The following WWC2 variants were observed in gnomAD, a reference collection of about 807,000 sequenced individuals.
WWC2 encodes WW and C2 domain containing 2, also known as protein WWC2.
In WWC2, 101 loss-of-function variants were observed where a neutral mutation model predicts 138.5. The observed-to-expected ratio is 0.73, with a 90% CI of 0.62 to 0.86. The LOEUF (loss-of-function observed/expected upper bound fraction) is 0.86. Among genes scored for constraint, WWC2 ranks in the 40% least tolerant of loss-of-function variants. The probability of loss-of-function intolerance (pLI) is 0.00; values close to 1 mark genes in which losing one functional copy is unlikely to be tolerated. For missense variants in WWC2, 1,420 were observed against 1,419.4 expected (o/e 1.00, Z -0.01); for synonymous variants, 558 against 538.4 (o/e 1.04, Z -0.50).
rs146453133 is a variant in WWC2, at chr4:183,223,984, G to A, written c.522+14959G>A. Among the ~76,000 whole-genome samples, 1,290 of 152,204 alleles carry A rather than the reference G, an allele frequency of 8.5e-3. 31 individuals are homozygous for A. Among genetic ancestry groups the A allele is most frequent in the African/African-American group, 0.029 (1,207 of 41,544 alleles). ...GACCTCAGGCTATCCCCCCCACCTCGGCCTCCCAAAGTGCTGGGATTACAG... is the reference window on the plus strand; with the variant it reads ...GACCTCAGGCTATCCCCCCCACCTCAGCCTCCCAAAGTGCTGGGATTACAG... On this transcript the variant is annotated intron_variant, in intron 4 of 22. Transcript: ENST00000403733.
intron 15 of WWC2, 99 bp downstream of exon 15, chr4:183,269,262 A>G: frequency 1.0e-5 from 12 of 1,191,158 alleles, no homozygotes; most frequent in African/African-American, 1.5e-5. Context: ...AGAAATCACT[A>G]CAGACCTGCC....
chr4:183,170,112 G>A (rs528329927), intron 1 of WWC2, among the ~76,000 whole-genome samples: 3 of 152,258 alleles, frequency 2.0e-5, no homozygotes, highest in Non-Finnish European at 4.4e-5. Flanking sequence ...AATGCTGAGA[G>A]GATTAGTATT....
At chr4:183,102,876 T>C (rs2152885674) in intron 1 of WWC2, among the ~76,000 whole-genome samples, 1 of 152,082 alleles carries the variant, frequency 6.6e-6, no homozygotes. Flanking sequence ...TGCTTTTTTT[T>C]TTTTTTTTTT....
chr4:183,161,184 A>G (rs778157750), intron 1 of WWC2, among the ~76,000 whole-genome samples: 1 of 152,232 alleles, frequency 6.6e-6, no homozygotes, highest in Non-Finnish European at 1.5e-5. Flanking sequence ...TTTAGAGCAC[A>G]ACTACTACTG....
chr4:183,132,794 C>T (rs1732969210), intron 1 of WWC2, among the ~76,000 whole-genome samples: 1 of 151,470 alleles, frequency 6.6e-6, no homozygotes, highest in Admixed American at 6.6e-5. Flanking sequence ...ATTTTTTTTT[C>T]TGTGAATAGT....
At chr4:183,175,336 A>T (rs1199745873) in intron 1 of WWC2, among the ~76,000 whole-genome samples, 2 of 152,036 alleles carry the variant, frequency 1.3e-5, no homozygotes, top group Admixed American at 6.6e-5. Context: ...ATCTTGGCTC[A>T]CTGTAGCCTT....
chr4:183,319,596 T>C lies in WWC2; in HGVS notation c.*3867T>C. ...GGTGTTTCTCGTCTCCAGTTCTTGA[T>C]GATGATCTTGTGTTTGTGCCACTGC... On this transcript the variant is annotated 3_prime_UTR_variant, in exon 23 of 23. Coordinates refer to ENST00000403733, the MANE Select transcript of WWC2 (RefSeq NM_024949.6). The C allele has an allele frequency of 6.2e-7, 1 of 1,613,654 alleles. No individual in the cohort carries two copies.
In WWC2 at chr4:183,249,968, C is replaced by T; in HGVS notation, c.928C>T (p.Leu310=). ...TTTAGCTGAAAAGGTCAGGCTAAGC[C>T]TACAGTATGAAGAAGCCAAAAGAAG... The part of the protein sequence containing the change: ...SNLAEKVRLS[L]QYEEAKRSMA... The change falls in exon 8 of 23, where the codon CTA becomes TTA. Residue 310 remains leucine (L), a synonymous_variant. Transcript: ENST00000403733. The T allele has an allele frequency of 2.5e-6, 4 of 1,613,734 alleles. No individual in the cohort carries two copies. Among genetic ancestry groups the T allele is most frequent in the Non-Finnish European group, 3.4e-6 (4 of 1,179,790 alleles).
intron 1 of WWC2, among the ~76,000 whole-genome samples, chr4:183,145,624 G>A (rs1308856935): frequency 6.6e-6 from 1 of 152,108 alleles, no homozygotes; most frequent in East Asian, 1.9e-4. Context: ...AACTTCTTCA[G>A]GAAGTTAAAT....
At chr4:183,138,591 A>G (rs1733194299) in intron 1 of WWC2, among the ~76,000 whole-genome samples, 2 of 152,138 alleles carry the variant, frequency 1.3e-5, no homozygotes, top group African/African-American at 4.8e-5. Context: ...AAAGCTGAAC[A>G]TATTTATCGT....
chr4:183,220,447 A>G (rs1193663446), intron 4 of WWC2, among the ~76,000 whole-genome samples: 1 of 151,660 alleles, frequency 6.6e-6, no homozygotes, highest in Non-Finnish European at 1.5e-5. Context: ...ACAAACCTTT[A>G]TTAACTTGTG....
At position 183,099,338 on chromosome 4, in the gene WWC2, C is replaced by A; in HGVS notation, c.-154C>A. 1.4e-6 allele frequency: 1 copy of A among 699,972 alleles called. No individual in the cohort carries two copies. The highest frequency in any genetic ancestry group is 1.9e-6 in the Non-Finnish European group (1 of 533,176). The allele number at this position is 699,972 out of a possible 1,614,324, so 43.4% of individuals were successfully genotyped here. ...GAACAGCGTTTCCTGAGGCACCTCC[C>A]GCGCGTGGTTCCGCCGCGCCCCGCG... On this transcript the variant is annotated 5_prime_UTR_variant, in exon 1 of 23. Transcript: ENST00000403733.
Position 183,248,758 on chromosome 4 carries a change from T to A in WWC2, c.777T>A (p.Ile259=). 13 of 1,604,204 alleles carry A rather than the reference T, an allele frequency of 8.1e-6. No homozygotes were observed. Among genetic ancestry groups the A allele is most frequent in the Non-Finnish European group, 1.1e-5 (13 of 1,174,988 alleles). Residue 259 remains isoleucine, a synonymous_variant, in exon 7 of 23, where the codon ATT becomes ATA. Transcript: ENST00000403733. The part of the protein sequence containing the change: ...LQERFHLDQN[I]GRSEPDLRCS... Reference sequence around the variant, plus strand: ...AGCGGTTTCATTTGGATCAGAACATTGGCAGATCTGAGCCAGATTTGAGAT... The same window carrying A: ...AGCGGTTTCATTTGGATCAGAACATAGGCAGATCTGAGCCAGATTTGAGAT...
chr4:183,208,976 A>C lies in WWC2; in HGVS notation c.473A>C (p.Lys158Thr), dbSNP rs1248295601. 1.3e-6 allele frequency: 2 copies of C among 1,569,584 alleles called. No individual in the cohort carries two copies. The highest frequency in any genetic ancestry group is 2.3e-5 in the South Asian group (2 of 85,406). Residue 158 changes from lysine (K) to threonine (T), a missense_variant, in exon 4 of 23, where the codon AAA becomes ACA. Lys to Thr is a moderately conservative substitution (Grantham distance 78, BLOSUM62 -1). Transcript: ENST00000403733. ...TTCTCAGGATCTTCATCCAGTACTAAATATGATCCCGATATTTTAAAAGCT... is the reference window on the plus strand; with the variant it reads ...TTCTCAGGATCTTCATCCAGTACTACATATGATCCCGATATTTTAAAAGCT... ...SLFSGSSSST[K>T]YDPDILKAEI...
chr4:183,140,131 C>T (rs1446631000), intron 1 of WWC2, among the ~76,000 whole-genome samples: 1 of 152,180 alleles, frequency 6.6e-6, no homozygotes, highest in Non-Finnish European at 1.5e-5. Context: ...GTTTTGTTTA[C>T]TGCTGCATCG....
At chr4:183,208,242 AT>A in intron 3 of WWC2, 86 bp downstream of exon 3, 1 of 1,395,078 alleles carries the variant, frequency 7.2e-7, no homozygotes, top group Non-Finnish European at 9.8e-7. Flanking sequence ...ATGGAGTTTA[AT>A]TTTGAGTCCT....
rs145223016 is a variant in WWC2, at chr4:183,222,995, G to A, written c.522+13970G>A. On this transcript the variant is annotated intron_variant, in intron 4 of 22. Coordinates refer to ENST00000403733, the MANE Select transcript of WWC2 (RefSeq NM_024949.6). ...AATAAAATAATAAAAATATAGTTACGTGCCAAATAAATGACACTGCAGTCA... is the reference window on the plus strand; with the variant it reads ...AATAAAATAATAAAAATATAGTTACATGCCAAATAAATGACACTGCAGTCA... 8.7e-3 allele frequency among the ~76,000 whole-genome samples: 1,329 copies of A among 152,144 alleles called. 30 individuals are homozygous for A. The highest frequency in any genetic ancestry group is 0.03 in the African/African-American group (1,226 of 41,510).
At chr4:183,205,847 C>T (rs1388500225) in intron 2 of WWC2, among the ~76,000 whole-genome samples, 4 of 152,012 alleles carry the variant, frequency 2.6e-5, no homozygotes, top group Non-Finnish European at 4.4e-5. Context: ...TGTGTGAGCT[C>T]GGGGAATTTA....
chr4:183,188,604 C>A (rs1734886599), intron 1 of WWC2, among the ~76,000 whole-genome samples: 1 of 149,216 alleles, frequency 6.7e-6, no homozygotes, highest in East Asian at 2.0e-4. Context: ...ATCTCTCTCT[C>A]TCTATCTAAT....
Sources: gnomAD v4.1 joint callset for allele counts (sites outside exome capture counted in the v4.1 genomes callset) on GRCh38, gnomAD v4.1.1 for gene constraint, MANE v1.5 for transcripts, NCBI Gene and HGNC (gene_info 2026-07-23, HGNC 2026-07-21) for gene names.